The following METAP1 variants were observed in gnomAD, a reference collection of about 807,000 sequenced individuals.
METAP1 encodes methionine aminopeptidase 1.
METAP1 carries 28 observed loss-of-function variants against 53.8 expected under a neutral mutation model. The observed-to-expected ratio is 0.52, with a 90% CI of 0.39 to 0.71. The LOEUF is 0.71. METAP1 is among the 30% of genes least tolerant of loss of function. The pLI is 0.00. For missense variants in METAP1, 389 were observed against 479.8 expected (o/e 0.81, Z 1.77); for synonymous variants, 181 against 165.7 (o/e 1.09, Z -0.71).
intron 1 of METAP1, among the ~76,000 whole-genome samples, chr4:99,027,365 G>A (rs1724635120): frequency 6.6e-6 from 1 of 152,190 alleles, no homozygotes; most frequent in African/African-American, 2.4e-5. Flanking sequence ...TATGGGGATT[G>A]TAAATGATTT....
intron 2 of METAP1, among the ~76,000 whole-genome samples, chr4:99,033,253 T>A (rs976339602): frequency 2.1e-5 from 3 of 144,748 alleles, no homozygotes; most frequent in African/African-American, 5.1e-5. Flanking sequence ...GGGAGTTTTA[T>A]TTTTTTTTTT....
At chr4:99,039,850 C>G (rs1470853833) in intron 5 of METAP1, among the ~76,000 whole-genome samples, 1 of 152,038 alleles carries the variant, frequency 6.6e-6, no homozygotes, top group Non-Finnish European at 1.5e-5. Context: ...CCTTGGCCTC[C>G]CAAAATGCTG....
At position 99,048,866 on chromosome 4, in the gene METAP1, C is replaced by G; in HGVS notation, c.921C>G (p.Pro307=). 1 of 1,613,904 alleles carries G rather than the reference C, an allele frequency of 6.2e-7. No homozygotes were observed. Among genetic ancestry groups the G allele is most frequent in the South Asian group, 1.1e-5 (1 of 91,064 alleles). The stretch of plus-strand genomic sequence containing the variant: ...TTTTTCATACAGCTCCCAATGTACC[C>G]CACTATGCTAGTAAGTACTATCCAG... The part of the protein sequence containing the change: ...HKLFHTAPNV[P]HYAKNKAVGV... The change falls in exon 9 of 11, where the codon CCC becomes CCG. Residue 307 remains proline, a synonymous_variant. Coordinates refer to ENST00000296411, the MANE Select transcript of METAP1 (RefSeq NM_015143.3).
At chr4:99,054,285 C>T (rs72910931) in intron 9 of METAP1, among the ~76,000 whole-genome samples, 5 of 152,212 alleles carry the variant, frequency 3.3e-5, no homozygotes, top group East Asian at 1.9e-4. Context: ...CAGCACTTGC[C>T]GCTTCACCGT....
rs986235390 is a variant in METAP1, at chr4:99,049,013, A to G, written c.931+137A>G. On this transcript the variant is annotated intron_variant, in intron 9 of 10. Transcript: ENST00000296411. ...TAATAGATAGATTCCCAAAATGTGTATTTGCTGAAACACAGTGCAAGTTCG... is the reference window on the plus strand; with the variant it reads ...TAATAGATAGATTCCCAAAATGTGTGTTTGCTGAAACACAGTGCAAGTTCG... 1.9e-5 allele frequency: 21 copies of G among 1,102,550 alleles called. No homozygotes were observed. In the African/African-American group the frequency reaches 3.1e-4, roughly 17 times the overall value. 68.3% of individuals were successfully genotyped at this position (1,102,550 alleles called of 1,614,324 possible).
intron 1 of METAP1, among the ~76,000 whole-genome samples, chr4:99,006,632 T>C (rs896248921): frequency 6.6e-6 from 1 of 152,196 alleles, no homozygotes; most frequent in African/African-American, 2.4e-5. Context: ...TTCTCTGATT[T>C]CATCTAATAG....
At chr4:99,000,862 C>T (rs1344013267) in intron 1 of METAP1, among the ~76,000 whole-genome samples, 2 of 152,038 alleles carry the variant, frequency 1.3e-5, no homozygotes, top group African/African-American at 2.4e-5. Flanking sequence ...AGCCACCACA[C>T]CTGGCTAATT....
chr4:99,025,587 C>A (rs751808107), intron 1 of METAP1: 18 of 656,456 alleles, frequency 2.7e-5, no homozygotes, highest in Non-Finnish European at 3.4e-5. Flanking sequence ...CCACACTATC[C>A]CATTTTAGCT....
intron 1 of METAP1, chr4:99,005,966 T>A (rs1723157027): frequency 4.8e-6 from 1 of 209,326 alleles, no homozygotes; most frequent in African/African-American, 2.3e-5. Context: ...ACATATTTAG[T>A]ACAATGTACA....
chr4:99,027,586 T>C (rs1159759598), intron 1 of METAP1, among the ~76,000 whole-genome samples: 2 of 151,972 alleles, frequency 1.3e-5, no homozygotes, highest in African/African-American at 2.4e-5. Flanking sequence ...ATATTTATAT[T>C]TACACATTCC....
At chr4:99,007,527 G>A (rs897275146) in intron 1 of METAP1, among the ~76,000 whole-genome samples, 14 of 151,416 alleles carry the variant, frequency 9.2e-5, no homozygotes, top group African/African-American at 2.7e-4. Context: ...TGCAAATGGT[G>A]ATTTTCTCCC....
In METAP1 at chr4:99,061,765, A is replaced by G. The variant is rs1727559183; in HGVS notation, c.*448A>G. On this transcript the variant is annotated 3_prime_UTR_variant, in exon 11 of 11. Coordinates refer to ENST00000296411, the MANE Select transcript of METAP1 (RefSeq NM_015143.3). ...TAAGTTCTGTATACATAATTACCAAACACTATGTGACCTGGAGTTTGTGTT... is the reference window on the plus strand; with the variant it reads ...TAAGTTCTGTATACATAATTACCAAGCACTATGTGACCTGGAGTTTGTGTT... The G allele has an allele frequency of 6.6e-6, 1 of 152,306 alleles. No individual in the cohort carries two copies. The highest frequency in any genetic ancestry group is 2.1e-4 in the South Asian group (1 of 4,836). The allele number at this position is 152,306 out of a possible 1,614,324, so 9.4% of individuals were successfully genotyped here.
intron 2 of METAP1, among the ~76,000 whole-genome samples, chr4:99,030,173 A>C (rs1429079693): frequency 2.0e-5 from 3 of 152,146 alleles, no homozygotes; most frequent in Admixed American, 2.0e-4. Context: ...GTAAGTAATA[A>C]AGGGTTGAGG....
At chr4:99,001,637 C>T (rs1008617140) in intron 1 of METAP1, among the ~76,000 whole-genome samples, 2 of 152,152 alleles carry the variant, frequency 1.3e-5, no homozygotes, top group African/African-American at 4.8e-5. Flanking sequence ...GGTGTACTGT[C>T]ATTTGTTTAT....
intron 1 of METAP1, among the ~76,000 whole-genome samples, chr4:99,011,905 A>T (rs767288458): frequency 6.6e-6 from 1 of 152,150 alleles, no homozygotes; most frequent in Non-Finnish European, 1.5e-5. Flanking sequence ...GCTCCATTTC[A>T]CTCCAGCCTG....
chr4:99,018,760 C>T (rs917607329), intron 1 of METAP1, among the ~76,000 whole-genome samples: 15 of 152,246 alleles, frequency 9.9e-5, no homozygotes, highest in Non-Finnish European at 2.1e-4. Flanking sequence ...GGGTATTATA[C>T]GGAGACATGC....
intron 1 of METAP1, among the ~76,000 whole-genome samples, chr4:99,005,274 A>AG (rs1464371154): frequency 6.6e-6 from 1 of 152,076 alleles, no homozygotes; most frequent in Admixed American, 6.6e-5. Flanking sequence ...AAGGAACTCA[A>AG]ACAAATCAGC....
At chr4:99,009,406 C>G (rs566197126) in intron 1 of METAP1, among the ~76,000 whole-genome samples, 1 of 152,118 alleles carries the variant, frequency 6.6e-6, no homozygotes. Context: ...CTGGATCACA[C>G]GATTATTTGT....
intron 9 of METAP1, 100 bp downstream of exon 9, chr4:99,048,976 A>G: frequency 2.2e-6 from 3 of 1,347,854 alleles, no homozygotes; most frequent in Non-Finnish European, 3.1e-6. Context: ...CACTAGAGTA[A>G]TCTCTTAGCT....
Sources: allele counts gnomAD v4.1 joint callset (sites outside exome capture counted in the v4.1 genomes callset), GRCh38; gene constraint gnomAD v4.1.1; transcripts MANE v1.5; gene names NCBI Gene and HGNC (gene_info 2026-07-23, HGNC 2026-07-21).